The following KIF27 variants were observed in gnomAD, a reference collection of about 807,000 sequenced individuals.
KIF27 encodes the protein kinesin family member 27.
Under a neutral mutation model 141.8 loss-of-function variants are expected in KIF27, and 84 were observed. That is an observed-to-expected ratio of 0.59 (90% CI 0.50 to 0.71). The LOEUF is 0.71. Among genes scored for constraint, KIF27 ranks in the 30% least tolerant of loss-of-function variants. The pLI is 0.00. For missense variants in KIF27, 1,306 were observed against 1,628.4 expected (o/e 0.80, Z 3.41); for synonymous variants, 471 against 569.5 (o/e 0.83, Z 2.46).
At chr9:83,887,812 T>G (rs181170073) in intron 8 of KIF27, among the ~76,000 whole-genome samples, 11 of 152,140 alleles carry the variant, frequency 7.2e-5, no homozygotes, top group Admixed American at 3.3e-4. Flanking sequence ...TTTACCTTTA[T>G]TATTTCCACA....
chr9:83,905,912 T>C (rs1954472045), intron 3 of KIF27, among the ~76,000 whole-genome samples: 1 of 152,240 alleles, frequency 6.6e-6, no homozygotes, highest in Non-Finnish European at 1.5e-5. Context: ...ACTTTACTTG[T>C]AAGTGGGACA....
intron 2 of KIF27, among the ~76,000 whole-genome samples, chr9:83,911,064 T>C (rs1955104613): frequency 6.6e-6 from 1 of 152,122 alleles, no homozygotes; most frequent in African/African-American, 2.4e-5. Context: ...CACTTCTTTT[T>C]TTCTTTTCTT....
chr9:83,918,322 A>T (rs1955901307), intron 1 of KIF27, among the ~76,000 whole-genome samples: 1 of 60,314 alleles, frequency 1.7e-5, no homozygotes, highest in African/African-American at 1.1e-4. Context: ...AACGAGAGAA[A>T]TGGGGGGGGG....
intron 15 of KIF27, among the ~76,000 whole-genome samples, chr9:83,850,738 C>T (rs935081754): frequency 3.3e-5 from 5 of 149,748 alleles, no homozygotes; most frequent in African/African-American, 4.9e-5. Flanking sequence ...GAGCCAAGAT[C>T]GCCCCATTGC....
At chr9:83,869,142 G>T (rs1185911907) in intron 12 of KIF27, among the ~76,000 whole-genome samples, 3 of 152,238 alleles carry the variant, frequency 2.0e-5, no homozygotes, top group East Asian at 3.9e-4. Context: ...GGTGGAATGG[G>T]TGTGTATGGG....
intron 3 of KIF27, among the ~76,000 whole-genome samples, chr9:83,904,393 C>T (rs1181017642): frequency 1.3e-5 from 2 of 151,190 alleles, no homozygotes; most frequent in African/African-American, 4.9e-5. Flanking sequence ...TTTCTTGAGA[C>T]GGAGTCTCGG....
intron 11 of KIF27, among the ~76,000 whole-genome samples, chr9:83,878,666 T>G (rs1171154020): frequency 6.6e-6 from 1 of 152,186 alleles, no homozygotes; most frequent in Non-Finnish European, 1.5e-5. Context: ...GGTAAAATAT[T>G]ATATAATTCT....
At chr9:83,880,207 C>G (rs1472436825) in intron 11 of KIF27, 90 bp downstream of exon 11, 51 of 1,576,318 alleles carry the variant, frequency 3.2e-5, no homozygotes, top group Non-Finnish European at 4.3e-5. Context: ...AGATACTTCA[C>G]AAGCCAACTG....
rs202151820 is a variant in KIF27 at position 83,884,012 on chromosome 9, T to G, written c.2246A>C (p.Asp749Ala). ...LIKELIKTGNDAKSVSKQYSL... is the reference protein window; with the variant it reads ...LIKELIKTGNAAKSVSKQYSL... Reference sequence around the variant, plus strand: ...ATACTGCTTGCTTACAGACTTGGCATCATTACCTTAACCGTAATAATAATT... The same window carrying G: ...ATACTGCTTGCTTACAGACTTGGCAGCATTACCTTAACCGTAATAATAATT... The change falls in exon 10 of 18, where the codon GAT becomes GCT. Residue 749 changes from aspartate to alanine, a missense_variant. Asp to Ala is a moderately radical substitution (Grantham distance 126). Coordinates refer to ENST00000297814, the MANE Select transcript of KIF27 (RefSeq NM_017576.4). 212 of 1,594,530 alleles carry G rather than the reference T, an allele frequency of 1.3e-4. No homozygotes were observed. Among genetic ancestry groups the G allele is most frequent in the Admixed American group, 1.9e-4 (11 of 58,634 alleles).
rs774067614 is a variant in KIF27, at chr9:83,908,577, G to C, written c.374C>G (p.Pro125Arg). The C allele has an allele frequency of 3.7e-6, 6 of 1,611,402 alleles. No individual in the cohort carries two copies. The South Asian group carries it at 6.6e-5, about 18-fold the overall frequency. The change falls in exon 3 of 18, where the codon CCT becomes CGT. Residue 125 changes from proline to arginine, a missense_variant. Transcript: ENST00000297814. ...QEIFQSISEH[P>R]SIDFNVKVSY... is the part of the protein sequence containing the mutation. ...TACTTTTACATTAAAGTCAATGCTA[G>C]GATGTTCAGAGATGCTTTGAAATAT...
rs142371857 is a variant in KIF27, at chr9:83,910,765, G to A, written c.299-2113C>T. 2.5e-3 allele frequency among the ~76,000 whole-genome samples: 387 copies of A among 152,290 alleles called. 5 individuals carry two copies. The highest frequency in any genetic ancestry group is 8.9e-3 in the African/African-American group (371 of 41,544). ...ACAGACCGGTACCATAACATCATGA[G>A]TAAACATTTATTTCTGCTCCCACTT... On this transcript the variant is annotated intron_variant, in intron 2 of 17. Coordinates refer to ENST00000297814, the MANE Select transcript of KIF27 (RefSeq NM_017576.4).
chr9:83,918,259 T>C (rs1265651426), intron 1 of KIF27, among the ~76,000 whole-genome samples: 1 of 128,460 alleles, frequency 7.8e-6, no homozygotes, highest in Non-Finnish European at 1.5e-5. Context: ...TGGACAACAC[T>C]ATAATGTGGA....
intron 16 of KIF27, among the ~76,000 whole-genome samples, chr9:83,845,754 C>T (rs1031077674): frequency 6.6e-6 from 1 of 152,200 alleles, no homozygotes; most frequent in South Asian, 2.1e-4. Context: ...TATACCAATT[C>T]ATGGGCTGTA....
intron 13 of KIF27, among the ~76,000 whole-genome samples, chr9:83,864,041 A>G (rs1366586809): frequency 6.6e-6 from 1 of 151,798 alleles, no homozygotes; most frequent in African/African-American, 2.4e-5. Flanking sequence ...ATCATTTTTT[A>G]TTGCGTCTAT....
Position 83,915,683 on chromosome 9 carries a change from G to A in KIF27, c.-87-5C>T, listed in dbSNP as rs1955613290. ...TCTTATGTAAGATCTGGATTCCTGTGCAACAAAAATAAAAAGCAAATTTTA... is the reference window on the plus strand; with the variant it reads ...TCTTATGTAAGATCTGGATTCCTGTACAACAAAAATAAAAAGCAAATTTTA... On this transcript the variant is annotated splice_region_variant and splice_polypyrimidine_tract_variant and intron_variant, in intron 1 of 17. Coordinates refer to ENST00000297814, the MANE Select transcript of KIF27 (RefSeq NM_017576.4). 4 of 1,312,196 alleles carry A rather than the reference G, an allele frequency of 3.0e-6. No homozygotes were observed. The highest frequency in any genetic ancestry group is 3.0e-5 in the African/African-American group (2 of 67,206). 81.3% of individuals were successfully genotyped at this position (1,312,196 alleles called of 1,614,324 possible).
chr9:83,877,754 G>A lies in KIF27; in HGVS notation c.2643+2543C>T, dbSNP rs184245451. 3.3e-3 allele frequency among the ~76,000 whole-genome samples: 500 copies of A among 152,182 alleles called. 5 individuals are homozygous for A. The highest frequency in any genetic ancestry group is 2.9e-3 in the Admixed American group (45 of 15,292). Reference sequence around the variant, plus strand: ...ATAGGAAAAAATATTTGGAAATCACGTATCTGATAGAATTTAATGTCAGAA... The same window carrying A: ...ATAGGAAAAAATATTTGGAAATCACATATCTGATAGAATTTAATGTCAGAA... On this transcript the variant is annotated intron_variant, in intron 11 of 17. Coordinates refer to ENST00000297814, the MANE Select transcript of KIF27 (RefSeq NM_017576.4).
chr9:83,885,851 T>G (rs1367587914), intron 9 of KIF27, among the ~76,000 whole-genome samples: 1 of 152,104 alleles, frequency 6.6e-6, no homozygotes, highest in Admixed American at 6.6e-5. Flanking sequence ...TGATAAAATA[T>G]AGTATAGATG....
At chr9:83,844,970 C>T (rs1238540431) in intron 16 of KIF27, among the ~76,000 whole-genome samples, 1 of 152,154 alleles carries the variant, frequency 6.6e-6, no homozygotes, top group Non-Finnish European at 1.5e-5. Flanking sequence ...ACCTGAAAGG[C>T]TGCCAGTTTT....
At chr9:83,890,334 G>A (rs891947473) in intron 6 of KIF27, among the ~76,000 whole-genome samples, 17 of 151,992 alleles carry the variant, frequency 1.1e-4, no homozygotes, top group African/African-American at 4.1e-4. Context: ...GGGGTATGAG[G>A]GAGGGGAATT....
Sources: allele counts gnomAD v4.1 joint callset (sites outside exome capture counted in the v4.1 genomes callset), GRCh38; gene constraint gnomAD v4.1.1; transcripts MANE v1.5; gene names NCBI Gene and HGNC (gene_info 2026-07-23, HGNC 2026-07-21).